The following CYCS variants were observed in gnomAD, a reference collection of about 807,000 sequenced individuals.
CYCS encodes the protein cytochrome c, somatic, also known as cytochrome c.
For missense variants in CYCS, 87 were observed against 125.3 expected (o/e 0.69, Z 1.46); for synonymous variants, 41 against 43.0 (o/e 0.95, Z 0.18).
chr7:25,125,079 G>A lies in CYCS; in HGVS notation c.-9+121C>T, dbSNP rs541589082. On this transcript the variant is annotated intron_variant, in intron 1 of 2. Coordinates refer to ENST00000305786, the MANE Select transcript of CYCS (RefSeq NM_018947.6). ...CCACAGTCCAGGGTCTTCACTCCCC[G>A]CCCTCCCACCCAGCGCGGGCTCCAC... 1,242 of 148,430 alleles carry A rather than the reference G, an allele frequency of 8.4e-3. 8 individuals carry two copies. The highest frequency in any genetic ancestry group is 0.013 in the Non-Finnish European group (893 of 67,390). The allele number at this position is 148,430 out of a possible 1,614,324, so 9.2% of individuals were successfully genotyped here. A position where few individuals can be genotyped will look rare whatever the true frequency, so the allele number is the denominator to read the frequency against.
intron 1 of CYCS, 101 bp from the exon 2 acceptor site, chr7:25,124,228 T>C (rs1783408042): frequency 3.5e-6 from 3 of 860,502 alleles, no homozygotes; most frequent in African/African-American, 3.3e-5. Flanking sequence ...CCATTGCTAA[T>C]TTATGTCATT....
rs1783403377 is a variant in CYCS, at chr7:25,124,013, A to T, written c.107T>A (p.Leu36His). 1 of 1,614,050 alleles carries T rather than the reference A, an allele frequency of 6.2e-7. No individual in the cohort carries two copies. The highest frequency in any genetic ancestry group is 8.5e-7 in the Non-Finnish European group (1 of 1,180,046). Reference protein sequence around the residue: ...KHKTGPNLHGLFGRKTGQAPG... With the variant: ...KHKTGPNLHGHFGRKTGQAPG... ...GGCCTGACCTGTCTTCCGCCCAAAGAGACCATGGAGATTTGGCCCAGTCTT... is the reference window on the plus strand; with the variant it reads ...GGCCTGACCTGTCTTCCGCCCAAAGTGACCATGGAGATTTGGCCCAGTCTT... Residue 36 changes from leucine (L) to histidine (H), a missense_variant, in exon 2 of 3, where the codon CTC becomes CAC. Coordinates refer to ENST00000305786, the MANE Select transcript of CYCS (RefSeq NM_018947.6).
intron 2 of CYCS, 33 bp from the exon 3 acceptor site, chr7:25,123,882 A>G (rs1268263800): frequency 6.2e-7 from 1 of 1,613,844 alleles, no homozygotes; most frequent in African/African-American, 1.3e-5. Context: ...GTTATTTCAC[A>G]CTCCTGATAG....
intron 1 of CYCS, chr7:25,124,926 A>C (rs1203339077): frequency 1.3e-5 from 2 of 152,218 alleles, no homozygotes; most frequent in African/African-American, 4.8e-5. Flanking sequence ...TTCAGCAACC[A>C]CTACGGAAGA....
In CYCS at chr7:25,123,786, C is replaced by T; in HGVS notation, c.233G>A (p.Gly78Glu). The change falls in exon 3 of 3, where the codon GGA becomes GAA. Residue 78 changes from glycine to glutamate, a missense_variant. Transcript: ENST00000305786. ...YLENPKKYIP[G>E]TKMIFVGIKK... ...AATGCCGACAAAGATCATTTTTGTT[C>T]CAGGGATGTACTTCTTGGGATTCTC... is the stretch of plus-strand genomic sequence containing the variant. 1 of 1,612,956 alleles carries T rather than the reference C, an allele frequency of 6.2e-7. No individual in the cohort carries two copies. Among genetic ancestry groups the T allele is most frequent in the South Asian group, 1.1e-5 (1 of 91,086 alleles).
chr7:25,124,274 CT>C, intron 1 of CYCS, 147 bp from the exon 2 acceptor site: 1 of 708,814 alleles, frequency 1.4e-6, no homozygotes, highest in Non-Finnish European at 2.4e-6. Context: ...CTTTAATACT[CT>C]TTATACCAAA....
rs1426686771 is a variant in CYCS, at chr7:25,120,232, CCCA to C, written c.*3466_*3468del. The C allele has an allele frequency of 2.6e-5, 4 of 152,218 alleles. No individual in the cohort carries two copies. The highest frequency in any genetic ancestry group is 2.1e-4 in the South Asian group (1 of 4,824). 9.4% of individuals were successfully genotyped at this position (152,218 alleles called of 1,614,324 possible). Reference sequence around the variant, plus strand: ...TCCCAAGTAGCTGAGATTACAGGTGCCCACCACCACACCTGGCTAATTTTTATG... The same window carrying C: ...TCCCAAGTAGCTGAGATTACAGGTGCCCACCACACCTGGCTAATTTTTATG... On this transcript the variant is annotated 3_prime_UTR_variant, in exon 3 of 3. Coordinates refer to ENST00000305786, the MANE Select transcript of CYCS (RefSeq NM_018947.6).
In CYCS at chr7:25,120,479, C is replaced by T. The variant is rs1334270979; in HGVS notation, c.*3222G>A. 6.6e-6 allele frequency: 1 copy of T among 152,232 alleles called. No individual in the cohort carries two copies. The highest frequency in any genetic ancestry group is 6.5e-5 in the Admixed American group (1 of 15,286). 9.4% of individuals were successfully genotyped at this position (152,232 alleles called of 1,614,324 possible). On this transcript the variant is annotated 3_prime_UTR_variant, in exon 3 of 3. Coordinates refer to ENST00000305786, the MANE Select transcript of CYCS (RefSeq NM_018947.6). The stretch of plus-strand genomic sequence containing the variant: ...AGAATGTCAATACAGTAGCCACTAG[C>T]CACTTGTGCCTATGTAAATTTAAAA...
Position 25,122,289 on chromosome 7 carries a change from C to T in CYCS, c.*1412G>A, listed in dbSNP as rs1783375494. ...CACATTTCTATAAATAAAAATAAGA[C>T]TCATATGTTATAAATTGCTTTCAGG... On this transcript the variant is annotated 3_prime_UTR_variant, in exon 3 of 3. Coordinates refer to ENST00000305786, the MANE Select transcript of CYCS (RefSeq NM_018947.6). The T allele has an allele frequency of 6.6e-6, 1 of 152,176 alleles. No homozygotes were observed. The highest frequency in any genetic ancestry group is 2.4e-5 in the African/African-American group (1 of 41,434). The allele number at this position is 152,176 out of a possible 1,614,324, so 9.4% of individuals were successfully genotyped here.
intron 1 of CYCS, 27 bp from the exon 2 acceptor site, chr7:25,124,154 A>T (rs760313176): frequency 6.3e-7 from 1 of 1,594,154 alleles, no homozygotes; most frequent in Non-Finnish European, 8.6e-7. Context: ...CAACTTAGTA[A>T]ATTTTTCCTC....
rs566625698 is a variant in CYCS, at chr7:25,123,559, T to C, written c.*142A>G. 9.6e-5 allele frequency: 73 copies of C among 761,008 alleles called. 1 individual carries two copies. The East Asian group carries it at 1.5e-3, about 16-fold the overall frequency. The allele number at this position is 761,008 out of a possible 1,614,324, so 47.1% of individuals were successfully genotyped here. ...CATTTAACCACAAGCCAGTCTTAGT[T>C]TTAAATCAGGACTGCCCAACAAAAT... On this transcript the variant is annotated 3_prime_UTR_variant, in exon 3 of 3. Coordinates refer to ENST00000305786, the MANE Select transcript of CYCS (RefSeq NM_018947.6).
rs955592918 is a variant in CYCS at position 25,120,305 on chromosome 7, C to G, written c.*3396G>C. The G allele has an allele frequency of 3.9e-5, 6 of 152,198 alleles. No individual in the cohort carries two copies. Among genetic ancestry groups the G allele is most frequent in the Non-Finnish European group, 5.9e-5 (4 of 68,070 alleles). 9.4% of individuals were successfully genotyped at this position (152,198 alleles called of 1,614,324 possible). A position where few individuals can be genotyped will look rare whatever the true frequency, so the allele number is the denominator to read the frequency against. On this transcript the variant is annotated 3_prime_UTR_variant, in exon 3 of 3. Coordinates refer to ENST00000305786, the MANE Select transcript of CYCS (RefSeq NM_018947.6). ...TTCGCCATGTTGACCAGGCTGGTCT[C>G]AAACGCCTGACCTCAAGTGATCTGC...
chr7:25,124,226 A>T, intron 1 of CYCS, 99 bp from the exon 2 acceptor site: 3 of 866,634 alleles, frequency 3.5e-6, no homozygotes, highest in Non-Finnish European at 3.8e-6. Context: ...ATCCATTGCT[A>T]ATTTATGTCA....
chr7:25,122,143 C>G lies in CYCS; in HGVS notation c.*1558G>C, dbSNP rs1351237883. On this transcript the variant is annotated 3_prime_UTR_variant, in exon 3 of 3. Coordinates refer to ENST00000305786, the MANE Select transcript of CYCS (RefSeq NM_018947.6). ...AATACCACTAACTTTATACAGTCAC[C>G]AAGTCCTCTGCTACAAGGCCTTTCA... is the stretch of plus-strand genomic sequence containing the variant. 1 of 152,074 alleles carries G rather than the reference C, an allele frequency of 6.6e-6. No homozygotes were observed. Among genetic ancestry groups the G allele is most frequent in the Non-Finnish European group, 1.5e-5 (1 of 68,034 alleles). The allele number at this position is 152,074 out of a possible 1,614,324, so 9.4% of individuals were successfully genotyped here. A position where few individuals can be genotyped will look rare whatever the true frequency, so the allele number is the denominator to read the frequency against.
Position 25,123,717 on chromosome 7 carries a change from T to C in CYCS, c.302A>G (p.Lys101Arg). The change falls in exon 3 of 3, where the codon AAA (lysine) becomes AGA (arginine). Residue 101 changes from lysine (K) to arginine (R), a missense_variant. Physicochemically the swap from Lys to Arg is conservative, Grantham distance 26 (BLOSUM62 2). Coordinates refer to ENST00000305786, the MANE Select transcript of CYCS (RefSeq NM_018947.6). ...ERADLIAYLK[K>R]ATNE ...GGCCAATTATTACTCATTAGTAGCT[T>C]TTTTGAGATAAGCTATTAAGTCTGC... The C allele has an allele frequency of 6.2e-7, 1 of 1,601,712 alleles. No individual in the cohort carries two copies. The highest frequency in any genetic ancestry group is 8.5e-7 in the Non-Finnish European group (1 of 1,179,952).
intron 1 of CYCS, chr7:25,124,609 G>C (rs1051126948): frequency 4.9e-6 from 1 of 203,554 alleles, no homozygotes; most frequent in East Asian, 1.3e-4. Flanking sequence ...CAGGTCACAG[G>C]AGTAGCTTGA....
Position 25,123,604 on chromosome 7 carries a change from A to G in CYCS, c.*97T>C. 1 of 1,069,058 alleles carries G rather than the reference A, an allele frequency of 9.4e-7. No homozygotes were observed. Among genetic ancestry groups the G allele is most frequent in the Non-Finnish European group, 1.4e-6 (1 of 703,636 alleles). 66.2% of individuals were successfully genotyped at this position (1,069,058 alleles called of 1,614,324 possible). ...CAAAATATTCTGTCAGTCATTCATG[A>G]TCTGAATTCTGGTGTATGAGATCTA... On this transcript the variant is annotated 3_prime_UTR_variant, in exon 3 of 3. Transcript: ENST00000305786.
In CYCS at chr7:25,121,619, A is replaced by G. The variant is rs1463683688; in HGVS notation, c.*2082T>C. 6.6e-6 allele frequency: 1 copy of G among 152,228 alleles called. No individual in the cohort carries two copies. Among genetic ancestry groups the G allele is most frequent in the Non-Finnish European group, 1.5e-5 (1 of 68,040 alleles). The allele number at this position is 152,228 out of a possible 1,614,324, so 9.4% of individuals were successfully genotyped here. On this transcript the variant is annotated 3_prime_UTR_variant, in exon 3 of 3. Coordinates refer to ENST00000305786, the MANE Select transcript of CYCS (RefSeq NM_018947.6). ...ACTGGGCTGATTACTTCTGGGTTAAATAATAAGATTTCTGAATTTGAAAAC... is the reference window on the plus strand; with the variant it reads ...ACTGGGCTGATTACTTCTGGGTTAAGTAATAAGATTTCTGAATTTGAAAAC...
chr7:25,124,084 A>C lies in CYCS; in HGVS notation c.36T>G (p.Ile12Met), dbSNP rs1783404753. 1 of 1,613,752 alleles carries C rather than the reference A, an allele frequency of 6.2e-7. No homozygotes were observed. The highest frequency in any genetic ancestry group is 1.3e-5 in the African/African-American group (1 of 74,882). Residue 12 changes from isoleucine to methionine, a missense_variant, in exon 2 of 3, where the codon ATT becomes ATG. Physicochemically the swap from Ile to Met is conservative, Grantham distance 10 (BLOSUM62 1). Coordinates refer to ENST00000305786, the MANE Select transcript of CYCS (RefSeq NM_018947.6). ...GDVEKGKKIF[I>M]MKCSQCHTVE... ...CGGTGTGGCACTGGGAACACTTCAT[A>C]ATAAAAATCTTCTTGCCTTTCTCAA...
Sources: allele counts gnomAD v4.1 joint callset, GRCh38; gene constraint gnomAD v4.1.1; transcripts MANE v1.5; gene names NCBI Gene and HGNC (gene_info 2026-07-23, HGNC 2026-07-21).